The following SHMT1 variants were observed in gnomAD, a reference collection of about 807,000 sequenced individuals.
The protein encoded by SHMT1 is serine hydroxymethyltransferase, cytosolic.
In SHMT1, 45 loss-of-function variants were observed where a neutral mutation model predicts 49.0. The ratio of observed to expected loss-of-function variants is 0.92; its 90% CI spans 0.72 to 1.18. The LOEUF (loss-of-function observed/expected upper bound fraction) is 1.18. Among genes scored for constraint, SHMT1 ranks in the 50% most tolerant of loss-of-function variants. SHMT1 has a pLI of 0.00. For missense variants in SHMT1, 541 were observed against 612.4 expected (o/e 0.88, Z 1.23); for synonymous variants, 232 against 246.6 (o/e 0.94, Z 0.55).
At chr17:18,344,378 C>T (rs751450006) in intron 5 of SHMT1, among the ~76,000 whole-genome samples, 1 of 151,698 alleles carries the variant, frequency 6.6e-6, no homozygotes, top group Non-Finnish European at 1.5e-5. Flanking sequence ...TAAAAATGGA[C>T]GTAATTCACC....
At chr17:18,334,015 T>A (rs1389546859) in intron 8 of SHMT1, among the ~76,000 whole-genome samples, 2 of 152,082 alleles carry the variant, frequency 1.3e-5, no homozygotes, top group African/African-American at 2.4e-5. Context: ...CTCGGCTCAC[T>A]GCAACCTCCG....
intron 9 of SHMT1, chr17:18,331,969 C>A (rs1164729085): frequency 6.6e-6 from 1 of 152,190 alleles, no homozygotes; most frequent in Non-Finnish European, 1.5e-5. Flanking sequence ...AACCTAGATC[C>A]CTCACATGTG....
At chr17:18,338,991 C>G (rs920193997) in intron 7 of SHMT1, among the ~76,000 whole-genome samples, 5 of 138,280 alleles carry the variant, frequency 3.6e-5, no homozygotes, top group Non-Finnish European at 7.5e-5. Flanking sequence ...CCACTATTGT[C>G]CTATGACCCT....
chr17:18,330,799 A>C, intron 9 of SHMT1, 128 bp from the exon 10 acceptor site: 1 of 710,656 alleles, frequency 1.4e-6, no homozygotes. Flanking sequence ...CCCCCACCAC[A>C]TGGCCTGGGA....
chr17:18,335,682 G>A lies in SHMT1; in HGVS notation c.815-7C>T, dbSNP rs566773884. On this transcript the variant is annotated splice_region_variant and splice_polypyrimidine_tract_variant and intron_variant, in intron 7 of 11. Coordinates refer to ENST00000316694, the MANE Select transcript of SHMT1 (RefSeq NM_004169.5). The stretch of plus-strand genomic sequence containing the variant: ...GGATCCACACTTTTCACTCCTGGAG[G>A]AAGAAAAACATCACAGTGGGATCAT... 2.5e-6 allele frequency: 4 copies of A among 1,590,112 alleles called. No individual in the cohort carries two copies. The highest frequency in any genetic ancestry group is 3.5e-6 in the Non-Finnish European group (4 of 1,158,246).
intron 1 of SHMT1, among the ~76,000 whole-genome samples, chr17:18,358,505 T>G (rs1986464630): frequency 6.6e-6 from 1 of 151,966 alleles, no homozygotes; most frequent in Admixed American, 6.6e-5. Flanking sequence ...GTAAAATATC[T>G]TAGCCCAGGG....
At position 18,328,920 on chromosome 17, in the gene SHMT1, C is replaced by A; in HGVS notation, c.1283-1G>T. On this transcript the variant is annotated splice_acceptor_variant, in intron 11 of 11. Coordinates refer to ENST00000316694, the MANE Select transcript of SHMT1 (RefSeq NM_004169.5). LOFTEE classifies it high-confidence loss of function. ...TGGATCTGCAGGGTCAGCTCTATCCCTGTGCCACAAGACACAAATGAGTCA... is the reference window on the plus strand; with the variant it reads ...TGGATCTGCAGGGTCAGCTCTATCCATGTGCCACAAGACACAAATGAGTCA... The A allele has an allele frequency of 6.2e-7, 1 of 1,613,754 alleles. No homozygotes were observed.
chr17:18,354,933 C>G (rs1327840652), intron 2 of SHMT1, among the ~76,000 whole-genome samples: 1 of 149,756 alleles, frequency 6.7e-6, no homozygotes, highest in Non-Finnish European at 1.5e-5. Flanking sequence ...CACCTGTAGT[C>G]CCAGCTACTC....
Position 18,328,778 on chromosome 17 carries a change from A to G in SHMT1, c.1424T>C (p.Phe475Ser). 17 of 1,593,306 alleles carry G rather than the reference A, an allele frequency of 1.1e-5. No individual in the cohort carries two copies. Among genetic ancestry groups the G allele is most frequent in the Non-Finnish European group, 1.5e-5 (17 of 1,169,278 alleles). ...REEVESFASL[F>S]PLPGLPDF ...GAAGTCAGGCAGGCCAGGCAGAGGG[A>G]AGAGAGAGGCGAAGCTCTCAACCTC... Residue 475 changes from phenylalanine (F) to serine (S), a missense_variant, in exon 12 of 12, where the codon TTC becomes TCC. Coordinates refer to ENST00000316694, the MANE Select transcript of SHMT1 (RefSeq NM_004169.5).
At chr17:18,329,220 C>A in intron 11 of SHMT1, 58 bp downstream of exon 11, 1 of 1,280,948 alleles carries the variant, frequency 7.8e-7, no homozygotes, top group East Asian at 2.3e-5. Context: ...CTACTCATCA[C>A]AATCAGAAAC....
chr17:18,329,282 G>C lies in SHMT1; in HGVS notation c.1278C>G (p.His426Gln), dbSNP rs1200171819. 1.2e-6 allele frequency: 2 copies of C among 1,607,758 alleles called. No homozygotes were observed. Among genetic ancestry groups the C allele is most frequent in the South Asian group, 2.2e-5 (2 of 90,886 alleles). Residue 426 changes from histidine (H) to glutamine (Q), a missense_variant, in exon 11 of 12, where the codon CAC becomes CAG. Transcript: ENST00000316694. The part of the protein sequence containing the change: ...KDFQKVAHFI[H>Q]RGIELTLQIQ... ...CTTCCAAACTTTTATCCTTACCTCT[G>C]TGAATAAAGTGGGCTACTTTTTGGA...
intron 5 of SHMT1, among the ~76,000 whole-genome samples, chr17:18,342,947 A>G (rs1174183973): frequency 1.7e-4 from 26 of 151,914 alleles, no homozygotes; most frequent in Admixed American, 1.7e-3. Flanking sequence ...AAAAAAAAAA[A>G]TTAAAATTGA....
rs1024812699 is a variant in SHMT1, at chr17:18,352,247, C to T, written c.242+1425G>A. Among the ~76,000 whole-genome samples, 12 of 148,580 alleles carry T rather than the reference C, an allele frequency of 8.1e-5. No individual in the cohort carries two copies. In the South Asian group the frequency reaches 2.1e-3, roughly 26 times the overall value. ...TGCAAGCTCTGCCCCCTGGGGTTCACGCCATTCTCCTGCATCAGCCTCCCA... is the reference window on the plus strand; with the variant it reads ...TGCAAGCTCTGCCCCCTGGGGTTCATGCCATTCTCCTGCATCAGCCTCCCA... On this transcript the variant is annotated intron_variant, in intron 3 of 11. Transcript: ENST00000316694.
chr17:18,350,708 G>A (rs1333695447), intron 3 of SHMT1, among the ~76,000 whole-genome samples: 1 of 151,456 alleles, frequency 6.6e-6, no homozygotes, highest in Non-Finnish European at 1.5e-5. Flanking sequence ...ATCAAGCAAA[G>A]TCATTAACGT....
intron 5 of SHMT1, among the ~76,000 whole-genome samples, chr17:18,342,956 G>GAATA (rs143292731): frequency 0.015 from 2,321 of 151,322 alleles, 64 homozygotes; most frequent in African/African-American, 0.053. Flanking sequence ...AATTAAAATT[G>GAATA]AATAAATAAA....
intron 3 of SHMT1, 33 bp downstream of exon 3, chr17:18,353,639 G>A: frequency 1.2e-6 from 2 of 1,611,484 alleles, no homozygotes; most frequent in Non-Finnish European, 1.7e-6. Flanking sequence ...CTATGACTGT[G>A]TCAGAACCAG....
chr17:18,333,016 G>T (rs542760503), intron 9 of SHMT1, 150 bp downstream of exon 9: 1 of 971,352 alleles, frequency 1.0e-6, no homozygotes, highest in Non-Finnish European at 1.6e-6. Flanking sequence ...AGGCTTTCCA[G>T]TTGGAGGCGA....
chr17:18,331,064 GTT>G (rs1341122165), intron 9 of SHMT1: 1 of 356,270 alleles, frequency 2.8e-6, no homozygotes, highest in Non-Finnish European at 5.5e-6. Flanking sequence ...TAAGGGGCAT[GTT>G]CACAGAGCAC....
intron 1 of SHMT1, among the ~76,000 whole-genome samples, chr17:18,359,582 G>A (rs559162989): frequency 5.6e-4 from 85 of 152,004 alleles, no homozygotes; most frequent in African/African-American, 2.0e-3. Flanking sequence ...AGCCTCAGAG[G>A]TGGAGGCTGC....
Sources: gnomAD v4.1 joint callset for allele counts (sites outside exome capture counted in the v4.1 genomes callset) on GRCh38, gnomAD v4.1.1 for gene constraint, MANE v1.5 for transcripts, NCBI Gene and HGNC (gene_info 2026-07-23, HGNC 2026-07-21) for gene names.